SPATA17: variants seen among roughly 807,000 people sequenced by gnomAD.
The protein encoded by SPATA17 is spermatogenesis-associated protein 17.
SPATA17 carries 53 observed loss-of-function variants against 62.2 expected under a neutral mutation model. The observed-to-expected ratio is 0.85, with a 90% CI of 0.68 to 1.07. SPATA17 has a LOEUF of 1.07. Ranked by LOEUF, SPATA17 falls within the 50% of genes least tolerant of loss-of-function variation. The probability of loss-of-function intolerance (pLI) is 0.00; values close to 1 mark genes in which losing one functional copy is unlikely to be tolerated. For missense variants in SPATA17, 466 were observed against 425.5 expected, an observed-to-expected ratio of 1.10 and a Z score of -0.84; for synonymous variants, 146 against 146.8, an observed-to-expected ratio of 0.99 and a Z score of 0.04.
intron 9 of SPATA17, among the ~76,000 whole-genome samples, chr1:217,837,621 C>T (rs1675291711): frequency 6.6e-6 from 1 of 151,916 alleles, no homozygotes; most frequent in Admixed American, 6.6e-5. Flanking sequence ...TTGGTGCTGT[C>T]TTTCTGGCCC....
chr1:217,787,475 G>C (rs778818546), intron 8 of SPATA17, among the ~76,000 whole-genome samples: 1 of 152,090 alleles, frequency 6.6e-6, no homozygotes, highest in African/African-American at 2.4e-5. Context: ...TCATTCTTCT[G>C]TATGTCCCTG....
Position 217,793,670 on chromosome 1 carries a change from GTT to G in SPATA17, c.873-8047_873-8046del, listed in dbSNP as rs372968148. 3.2e-3 allele frequency among the ~76,000 whole-genome samples: 484 copies of G among 152,162 alleles called. 2 individuals are homozygous for G. The highest frequency in any genetic ancestry group is 0.011 in the African/African-American group (442 of 41,526). On this transcript the variant is annotated intron_variant, in intron 8 of 10. Coordinates refer to ENST00000366933, the MANE Select transcript of SPATA17 (RefSeq NM_138796.4). ...CAGGTGATTCAAATGCACAGTTCTGGTTAAGAGTCATTACTTTCAGATATTGG... is the reference window on the plus strand; with the variant it reads ...CAGGTGATTCAAATGCACAGTTCTGGAAGAGTCATTACTTTCAGATATTGG...
chr1:217,773,943 C>G (rs1673523055), intron 6 of SPATA17, among the ~76,000 whole-genome samples: 1 of 151,976 alleles, frequency 6.6e-6, no homozygotes, highest in Non-Finnish European at 1.5e-5. Flanking sequence ...ATTTGACTTC[C>G]TGTGAGTGAA....
chr1:217,718,969 C>A (rs774869629), intron 5 of SPATA17, among the ~76,000 whole-genome samples: 25 of 152,188 alleles, frequency 1.6e-4, no homozygotes, highest in Non-Finnish European at 2.5e-4. Context: ...GTCACTTGCT[C>A]ATGAAACTGA....
chr1:217,650,685 A>G (rs1241609543), intron 2 of SPATA17, among the ~76,000 whole-genome samples: 1 of 152,132 alleles, frequency 6.6e-6, no homozygotes. Flanking sequence ...TGGCCTCCCA[A>G]AGTGCTGGGA....
chr1:217,700,163 A>G (rs1384894165), intron 5 of SPATA17, among the ~76,000 whole-genome samples: 1 of 151,830 alleles, frequency 6.6e-6, no homozygotes, highest in Non-Finnish European at 1.5e-5. Context: ...TTTTCCATAT[A>G]TATTTTAGAA....
chr1:217,862,405 T>G (rs1571849032), intron 9 of SPATA17, among the ~76,000 whole-genome samples: 1 of 152,182 alleles, frequency 6.6e-6, no homozygotes, highest in African/African-American at 2.4e-5. Flanking sequence ...TCCATTTCCA[T>G]TCATTCAGTT....
At chr1:217,654,239 A>G (rs1670383971) in intron 3 of SPATA17, among the ~76,000 whole-genome samples, 1 of 151,028 alleles carries the variant, frequency 6.6e-6, no homozygotes, top group Non-Finnish European at 1.5e-5. Flanking sequence ...CCTGATTCAA[A>G]CGATTCTCCT....
At chr1:217,771,242 G>C (rs1456220187) in intron 6 of SPATA17, among the ~76,000 whole-genome samples, 1 of 150,194 alleles carries the variant, frequency 6.7e-6, no homozygotes, top group Non-Finnish European at 1.5e-5. Flanking sequence ...TTTTTAAACA[G>C]TTAGCACAGA....
intron 9 of SPATA17, among the ~76,000 whole-genome samples, chr1:217,804,722 G>A (rs958988671): frequency 3.9e-5 from 6 of 152,104 alleles, no homozygotes; most frequent in Non-Finnish European, 8.8e-5. Flanking sequence ...TTAAAAATGG[G>A]CAAAAGACTG....
intron 9 of SPATA17, among the ~76,000 whole-genome samples, chr1:217,843,266 T>C (rs12041295): frequency 0.29 from 44,261 of 151,866 alleles, 6,718 homozygotes; most frequent in African/African-American, 0.36. Flanking sequence ...TGAGTTTTGA[T>C]ATCATGTTGG....
intron 8 of SPATA17, among the ~76,000 whole-genome samples, chr1:217,794,230 C>G (rs770834799): frequency 6.6e-6 from 1 of 152,052 alleles, no homozygotes; most frequent in Non-Finnish European, 1.5e-5. Context: ...TGACTATCAC[C>G]TAGTTGTTAC....
chr1:217,772,602 CA>C (rs1232606672), intron 6 of SPATA17, among the ~76,000 whole-genome samples: 1 of 152,118 alleles, frequency 6.6e-6, no homozygotes, highest in East Asian at 1.9e-4. Flanking sequence ...AAATAAGTCT[CA>C]AACTTTTTAT....
At chr1:217,734,149 C>G (rs1188258328) in intron 5 of SPATA17, among the ~76,000 whole-genome samples, 1 of 152,124 alleles carries the variant, frequency 6.6e-6, no homozygotes, top group Non-Finnish European at 1.5e-5. Flanking sequence ...ACCCAGAATC[C>G]TAGCATTTAA....
chr1:217,781,591 A>G (rs1673728438), intron 7 of SPATA17, among the ~76,000 whole-genome samples: 1 of 152,322 alleles, frequency 6.6e-6, no homozygotes, highest in South Asian at 2.1e-4. Flanking sequence ...TGCTATTGGT[A>G]TCAGAGTAAT....
intron 5 of SPATA17, among the ~76,000 whole-genome samples, chr1:217,711,061 C>T (rs1245065597): frequency 1.3e-5 from 2 of 152,214 alleles, no homozygotes. Context: ...ACCTGTTAAT[C>T]AGCTGATGGA....
intron 5 of SPATA17, among the ~76,000 whole-genome samples, chr1:217,739,812 A>G (rs1201637046): frequency 6.6e-6 from 1 of 152,150 alleles, no homozygotes; most frequent in Non-Finnish European, 1.5e-5. Context: ...CAGTATATCC[A>G]CACACACTCA....
At chr1:217,664,178 G>GTTTCC (rs915563595) in intron 3 of SPATA17, among the ~76,000 whole-genome samples, 3 of 152,072 alleles carry the variant, frequency 2.0e-5, no homozygotes, top group African/African-American at 7.2e-5. Flanking sequence ...GAAAAGGTGG[G>GTTTCC]TAATTGTGAG....
chr1:217,723,374 T>C (rs549513924), intron 5 of SPATA17, among the ~76,000 whole-genome samples: 34 of 152,306 alleles, frequency 2.2e-4, no homozygotes, highest in African/African-American at 7.9e-4. Flanking sequence ...GATTTGTTTC[T>C]ATCCTTCAGA....
Sources: gnomAD v4.1 joint callset for allele counts (sites outside exome capture counted in the v4.1 genomes callset) on GRCh38, gnomAD v4.1.1 for gene constraint, MANE v1.5 for transcripts, NCBI Gene and HGNC (gene_info 2026-07-23, HGNC 2026-07-21) for gene names.